ABCA3: variants seen among roughly 807,000 people sequenced by gnomAD.
ABCA3 encodes ATP binding cassette subfamily A member 3.
A neutral mutation model predicts 172.8 loss-of-function variants in ABCA3; 88 were observed. That is an observed-to-expected ratio of 0.51 (90% CI 0.43 to 0.61). The LOEUF is 0.61. ABCA3 is among the 20% of genes least tolerant of loss of function. The pLI is 0.00. For missense variants in ABCA3, 2,164 were observed against 2,301.0 expected (o/e 0.94, Z 1.22); for synonymous variants, 1,066 against 983.8 (o/e 1.08, Z -1.56).
Position 2,281,575 on chromosome 16 carries a change from A to AGGGGT in ABCA3, c.4036-67_4036-66insACCCC. 3.3e-6 allele frequency: 1 copy of AGGGGT among 302,934 alleles called. No individual in the cohort carries two copies. The highest frequency in any genetic ancestry group is 6.4e-6 in the Non-Finnish European group (1 of 156,600). 18.8% of individuals were successfully genotyped at this position (302,934 alleles called of 1,614,324 possible). On this transcript the variant is annotated intron_variant, in intron 26 of 32. Transcript: ENST00000301732. This position sits in a 1 kb window ranked among gnomAD's most constrained non-coding sequence, Gnocchi z 4.7. ...GCAGGGCGGCTTCCGTGGAGAAGGG[A>AGGGGT]GGGGCGGGGGTGGATGTGGGAGGTC... is the stretch of plus-strand genomic sequence containing the variant.
chr16:2,289,042 G>C (rs1190300191), intron 20 of ABCA3: 1 of 204,580 alleles, frequency 4.9e-6, no homozygotes, highest in Non-Finnish European at 1.0e-5. Context: ...TTGAGATCAG[G>C]CTGACCAGGG....
intron 1 of ABCA3, chr16:2,332,592 T>C: frequency 6.8e-7 from 1 of 1,469,570 alleles, no homozygotes; most frequent in Non-Finnish European, 9.5e-7. Context: ...GAAGCAAAAC[T>C]GGCTCCAGCA....
In ABCA3 at chr16:2,284,621, T is replaced by C. The variant is rs2093659943; in HGVS notation, c.3703+158A>G. On this transcript the variant is annotated intron_variant, in intron 24 of 32. Transcript: ENST00000301732. The surrounding 1 kb of genome is among the most constrained non-coding windows in gnomAD (Gnocchi z 5.9). ...GCCGCAGACGCCTGCCCACCAGTCA[T>C]GGCTAGCCGGGCAGGGCCAGCTGGG... 6.6e-6 allele frequency among the ~76,000 whole-genome samples: 1 copy of C among 152,064 alleles called. No homozygotes were observed. Among genetic ancestry groups the C allele is most frequent in the African/African-American group, 2.4e-5 (1 of 41,410 alleles).
chr16:2,315,241 C>CACAT (rs1372674039), intron 10 of ABCA3, among the ~76,000 whole-genome samples: 1 of 150,822 alleles, frequency 6.6e-6, no homozygotes, highest in Non-Finnish European at 1.5e-5. Context: ...CACACACACA[C>CACAT]ACAGCAAAGT....
rs2093657776 is a variant in ABCA3 at position 2,283,227 on chromosome 16, G to A, written c.3994C>T (p.Leu1332Phe). ...CGGAGGGCGCAGAGGATGCCCCTGA[G>A]TCTCTGAAGCAGGTTGGTCTCGATG... ...FLIETNLLQR[L>F]RGILCALRRR... Residue 1332 changes from leucine to phenylalanine, a missense_variant, in exon 26 of 33, where the codon CTC becomes TTC. Physicochemically the swap from Leu to Phe is conservative, Grantham distance 22. This residue lies in a region of ABCA3 where 795 missense variants were observed against 881.9 expected (regional missense o/e 0.90). Coordinates refer to ENST00000301732, the MANE Select transcript of ABCA3 (RefSeq NM_001089.3). The surrounding 1 kb of genome is among the most constrained non-coding windows in gnomAD (Gnocchi z 5.4). 6.2e-7 allele frequency: 1 copy of A among 1,613,322 alleles called. No individual in the cohort carries two copies. Among genetic ancestry groups the A allele is most frequent in the Admixed American group, 1.7e-5 (1 of 60,008 alleles).
intron 10 of ABCA3, among the ~76,000 whole-genome samples, chr16:2,309,658 C>G (rs1314494238): frequency 6.6e-6 from 1 of 152,168 alleles, no homozygotes; most frequent in Admixed American, 6.6e-5. Flanking sequence ...CCCTCTGTCA[C>G]CTAGGCTGGA....
At chr16:2,292,035 T>G in intron 19 of ABCA3, 105 bp downstream of exon 19, 1 of 875,786 alleles carries the variant, frequency 1.1e-6, no homozygotes, top group Non-Finnish European at 1.9e-6. Context: ...ATCGCACCAC[T>G]GCACTCCAGC....
intron 11 of ABCA3, among the ~76,000 whole-genome samples, chr16:2,305,531 A>G (rs1402127113): frequency 6.6e-6 from 1 of 151,618 alleles, no homozygotes; most frequent in Non-Finnish European, 1.5e-5. Context: ...TCTTGACCCC[A>G]TGACCCGCCC....
In ABCA3 at chr16:2,284,080, G is replaced by A; in HGVS notation, c.3862+199C>T. On this transcript the variant is annotated intron_variant, in intron 25 of 32. Coordinates refer to ENST00000301732, the MANE Select transcript of ABCA3 (RefSeq NM_001089.3). This position sits in a 1 kb window ranked among gnomAD's most constrained non-coding sequence, Gnocchi z 5.9. Reference sequence around the variant, plus strand: ...CCCAGACACTGAGGCAGGTGGGAGAGTGGGAGCTCAGGTACAGGGCCTGGG... The same window carrying A: ...CCCAGACACTGAGGCAGGTGGGAGAATGGGAGCTCAGGTACAGGGCCTGGG... 1.7e-6 allele frequency: 1 copy of A among 600,568 alleles called. No individual in the cohort carries two copies. The highest frequency in any genetic ancestry group is 2.9e-6 in the Non-Finnish European group (1 of 348,536). 37.2% of individuals were successfully genotyped at this position (600,568 alleles called of 1,614,324 possible). A position where few individuals can be genotyped will look rare whatever the true frequency, so the allele number is the denominator to read the frequency against.
In ABCA3 at chr16:2,276,493, C is replaced by T. The variant is rs2093646583; in HGVS notation, c.*181G>A. The T allele has an allele frequency of 3.9e-6, 4 of 1,038,056 alleles. No homozygotes were observed. Among genetic ancestry groups the T allele is most frequent in the Non-Finnish European group, 4.2e-6 (3 of 710,764 alleles). 64.3% of individuals were successfully genotyped at this position (1,038,056 alleles called of 1,614,324 possible). On this transcript the variant is annotated 3_prime_UTR_variant, in exon 33 of 33. Transcript: ENST00000301732. Reference sequence around the variant, plus strand: ...CAGACATGGAGATGCGCATGCTGATCCTGGGCATGAGGGCTGGGCTGCACT... The same window carrying T: ...CAGACATGGAGATGCGCATGCTGATTCTGGGCATGAGGGCTGGGCTGCACT...
rs1217476402 is a variant in ABCA3, at chr16:2,289,487, C to CG, written c.2646dup (p.Gly883ArgfsTer111). On this transcript the variant is annotated frameshift_variant, in exon 20 of 33. Transcript: ENST00000301732. LOFTEE classifies it high-confidence loss of function. ...TCCTCCTCGATGAGGGCTCCAATGCCGTCGGAGGGGTCCATGGCCCCACAG... is the reference window on the plus strand; with the variant it reads ...TCCTCCTCGATGAGGGCTCCAATGCCGGTCGGAGGGGTCCATGGCCCCACAG... 1.9e-6 allele frequency: 3 copies of CG among 1,594,050 alleles called. No individual in the cohort carries two copies. Among genetic ancestry groups the CG allele is most frequent in the Non-Finnish European group, 1.7e-6 (2 of 1,172,022 alleles).
At position 2,285,399 on chromosome 16, in the gene ABCA3, TG is replaced by T. The variant is rs1567338456; in HGVS notation, c.3483+42del. 1 of 1,568,552 alleles carries T rather than the reference TG, an allele frequency of 6.4e-7. No homozygotes were observed. Among genetic ancestry groups the T allele is most frequent in the Non-Finnish European group, 8.6e-7 (1 of 1,156,960 alleles). On this transcript the variant is annotated intron_variant, in intron 23 of 32. Transcript: ENST00000301732. This position sits in a 1 kb window ranked among gnomAD's most constrained non-coding sequence, Gnocchi z 4.7. The stretch of plus-strand genomic sequence containing the variant: ...CACAGGGGTCCCAGGGCAAGCCCTC[TG>T]CGGTCTGCAGGGGAACGGATCCAGC...
At chr16:2,304,547 C>A (rs138655246) in intron 11 of ABCA3, among the ~76,000 whole-genome samples, 1,871 of 145,816 alleles carry the variant, frequency 0.013, 39 homozygotes, top group African/African-American at 0.045. Flanking sequence ...TGCTCTGTCG[C>A]CCAGGCAGGA....
intron 18 of ABCA3, among the ~76,000 whole-genome samples, chr16:2,293,705 TTTTG>T (rs1348016365): frequency 4.0e-5 from 6 of 150,386 alleles, no homozygotes; most frequent in Non-Finnish European, 8.9e-5. Flanking sequence ...GCCCGGCTAA[TTTTG>T]TTTTTGTATT....
chr16:2,283,141 G>A lies in ABCA3; in HGVS notation c.4035+45C>T, dbSNP rs79755786. Reference sequence around the variant, plus strand: ...GGTTGTGCTGGGCCCAAGCAGAGACGTGGGGAGCATCTCGCCAGTGTCCTG... The same window carrying A: ...GGTTGTGCTGGGCCCAAGCAGAGACATGGGGAGCATCTCGCCAGTGTCCTG... On this transcript the variant is annotated intron_variant, in intron 26 of 32. Transcript: ENST00000301732. This position sits in a 1 kb window ranked among gnomAD's most constrained non-coding sequence, Gnocchi z 5.4. 2.1e-5 allele frequency: 33 copies of A among 1,589,312 alleles called. No individual in the cohort carries two copies. The African/African-American group carries it at 2.9e-4, about 14-fold the overall frequency.
chr16:2,279,175 GCCTCCTTCCTCCA>G lies in ABCA3; in HGVS notation c.4360-58_4360-46del. On this transcript the variant is annotated intron_variant, in intron 28 of 32. Transcript: ENST00000301732. This position sits in a 1 kb window ranked among gnomAD's most constrained non-coding sequence, Gnocchi z 4.4. The stretch of plus-strand genomic sequence containing the variant: ...GGGGAGGGAGGCGGGTTGGAGGGAA[GCCTCCTTCCTCCA>G]GAGGACCACGGGGACTACCCTTGAG... The G allele has an allele frequency of 6.2e-7, 1 of 1,600,304 alleles. No individual in the cohort carries two copies.
intron 12 of ABCA3, among the ~76,000 whole-genome samples, chr16:2,301,952 A>G (rs2093690149): frequency 6.6e-6 from 1 of 152,260 alleles, no homozygotes; most frequent in Non-Finnish European, 1.5e-5. Context: ...GTTGTGGGCA[A>G]GGAACACCTG....
rs779653441 is a variant in ABCA3, at chr16:2,317,330, A to G, written c.1064T>C (p.Ile355Thr). 3 of 1,614,028 alleles carry G rather than the reference A, an allele frequency of 1.9e-6. No homozygotes were observed. Among genetic ancestry groups the G allele is most frequent in the Middle Eastern group, 3.3e-4 (2 of 6,062 alleles). ...CATGAAGCTGAAGGAGATGGTAGAG[A>G]TGGCGAAGCACAGCAGGAAGGCGAG... ...LVLAFLLCFA[I>T]STISFSFMVS... The change falls in exon 10 of 33, where the codon ATC becomes ACC. Residue 355 changes from isoleucine (I) to threonine (T), a missense_variant. Physicochemically the swap from Ile to Thr is moderately conservative, Grantham distance 89. Coordinates refer to ENST00000301732, the MANE Select transcript of ABCA3 (RefSeq NM_001089.3).
chr16:2,292,873 T>C (rs1006647803), intron 18 of ABCA3, among the ~76,000 whole-genome samples: 3 of 151,962 alleles, frequency 2.0e-5, no homozygotes, highest in African/African-American at 7.3e-5. Flanking sequence ...GAGAATTGCT[T>C]GAACCCGGGA....
Sources: gnomAD v4.1 joint callset for allele counts (sites outside exome capture counted in the v4.1 genomes callset) on GRCh38, gnomAD v4.1.1 for gene constraint, gnomAD v4.1.1 regional missense constraint, Gnocchi (gnomAD v3.1) non-coding constraint, MANE v1.5 for transcripts, NCBI Gene and HGNC (gene_info 2026-07-23, HGNC 2026-07-21) for gene names.